PLEKHO1: variants seen among roughly 807,000 people sequenced by gnomAD.
PLEKHO1 encodes the protein pleckstrin homology domain-containing family O member 1.
PLEKHO1 carries 22 observed loss-of-function variants against 41.4 expected under a neutral mutation model. The ratio of observed to expected loss-of-function variants is 0.53; its 90% CI spans 0.38 to 0.76. The LOEUF (loss-of-function observed/expected upper bound fraction) is 0.76, where lower values mean the gene tolerates loss of function less well. PLEKHO1 is among the 30% of genes least tolerant of loss of function. The pLI, the probability that PLEKHO1 is intolerant of heterozygous loss-of-function variation, is 0.00. For synonymous variants in PLEKHO1, 225 were observed against 210.8 expected, an observed-to-expected ratio of 1.07 and a Z score of -0.58; for missense variants, 488 against 518.3, an observed-to-expected ratio of 0.94 and a Z score of 0.57.
intron 2 of PLEKHO1, chr1:150,154,303 C>G (rs1205431920): frequency 6.6e-6 from 1 of 152,342 alleles, no homozygotes; most frequent in Non-Finnish European, 1.5e-5. Flanking sequence ...TTGGACACCC[C>G]TTGCCAGCAC....
chr1:150,158,242 A>G (rs1553820852), intron 5 of PLEKHO1, among the ~76,000 whole-genome samples: 1 of 152,202 alleles, frequency 6.6e-6, no homozygotes, highest in Non-Finnish European at 1.5e-5. Context: ...GAGAGTCCAC[A>G]ATACCAAGGA....
In PLEKHO1 at chr1:150,150,209, A is replaced by G; in HGVS notation, c.-49A>G. 1.0e-6 allele frequency: 1 copy of G among 980,802 alleles called. No homozygotes were observed. The highest frequency in any genetic ancestry group is 4.9e-4 in the Middle Eastern group (1 of 2,042). The allele number at this position is 980,802 out of a possible 1,614,324, so 60.8% of individuals were successfully genotyped here. Reference sequence around the variant, plus strand: ...CCCCCGCGGTGCCGCCGAGGCCCCGACGCGGGGCCGCCCCTCGGCTCGCCG... The same window carrying G: ...CCCCCGCGGTGCCGCCGAGGCCCCGGCGCGGGGCCGCCCCTCGGCTCGCCG... On this transcript the variant is annotated 5_prime_UTR_variant, in exon 1 of 6. Transcript: ENST00000369124.
chr1:150,155,791 A>G (rs1660141714), intron 2 of PLEKHO1: 2 of 335,618 alleles, frequency 6.0e-6, no homozygotes, highest in Admixed American at 4.7e-5. Flanking sequence ...TGGTGAAGAG[A>G]GGCATAGTGG....
At chr1:150,150,381 C>T in intron 1 of PLEKHO1, 94 bp downstream of exon 1, 1 of 501,762 alleles carries the variant, frequency 2.0e-6, no homozygotes, top group Non-Finnish European at 2.6e-6. Flanking sequence ...AGACCCACGG[C>T]CCGGCCGCGC....
In PLEKHO1 at chr1:150,159,147, G is replaced by C; in HGVS notation, c.854G>C (p.Arg285Pro). 6.2e-7 allele frequency: 1 copy of C among 1,611,030 alleles called. No individual in the cohort carries two copies. ...ILSQRDAASA[R>P]TLQLRAEEPP... ...TCTCAGCGGGATGCTGCCTCTGCCC[G>C]CACCCTCCAGCTGCGGGCTGAGGAA... The change falls in exon 6 of 6, where the codon CGC becomes CCC. Residue 285 changes from arginine (R) to proline (P), a missense_variant. By Grantham distance (103) the Arg-to-Pro change is moderately radical (BLOSUM62 -2). Coordinates refer to ENST00000369124, the MANE Select transcript of PLEKHO1 (RefSeq NM_016274.6).
intron 2 of PLEKHO1, chr1:150,154,319 C>G (rs1236253141): frequency 6.6e-6 from 1 of 152,272 alleles, no homozygotes; most frequent in Non-Finnish European, 1.5e-5. Flanking sequence ...AGCACCTTGT[C>G]CTACTTCCAC....
chr1:150,155,777 C>A, intron 2 of PLEKHO1: 1 of 296,826 alleles, frequency 3.4e-6, no homozygotes, highest in South Asian at 7.1e-5. Context: ...AAGAGTGGGG[C>A]GGTTGGTGAA....
At chr1:150,150,400 C>T in intron 1 of PLEKHO1, 113 bp downstream of exon 1, 1 of 383,344 alleles carries the variant, frequency 2.6e-6, no homozygotes, top group African/African-American at 2.3e-5. Flanking sequence ...GCCCCCGCCC[C>T]GGCGGCCCGG....
chr1:150,157,360 C>A, intron 4 of PLEKHO1, 25 bp from the exon 5 acceptor site: 1 of 1,551,160 alleles, frequency 6.4e-7, no homozygotes, highest in Non-Finnish European at 8.9e-7. Context: ...GAAGAGCACT[C>A]ATGATTCACA....
intron 2 of PLEKHO1, among the ~76,000 whole-genome samples, chr1:150,151,647 A>C (rs1659937406): frequency 6.6e-6 from 1 of 151,640 alleles, no homozygotes; most frequent in Admixed American, 6.6e-5. Flanking sequence ...CCCCATTTAA[A>C]AAAGGCAAGG....
Position 150,150,654 on chromosome 1 carries a change from G to A in PLEKHO1, c.31-258G>A, listed in dbSNP as rs1659864700. The A allele has an allele frequency of 2.4e-5, 11 of 463,684 alleles. No individual in the cohort carries two copies. In the South Asian group the frequency reaches 2.6e-4, roughly 11 times the overall value. The allele number at this position is 463,684 out of a possible 1,614,324, so 28.7% of individuals were successfully genotyped here. On this transcript the variant is annotated intron_variant, in intron 1 of 5. Transcript: ENST00000369124. ...GGGGCGCAGGGCCTGGAGGGAACCT[G>A]GGAGCCTCTCCGCGCCCGGCCGGCG...
intron 2 of PLEKHO1, 52 bp from the exon 3 acceptor site, chr1:150,156,014 T>C: frequency 6.5e-7 from 1 of 1,533,636 alleles, no homozygotes; most frequent in South Asian, 1.2e-5. Flanking sequence ...ACAGTCTGGG[T>C]GGAGGGGCTA....
At chr1:150,153,559 A>G (rs1553819639) in intron 2 of PLEKHO1, 2 of 151,598 alleles carry the variant, frequency 1.3e-5, no homozygotes, top group Admixed American at 6.6e-5. Flanking sequence ...TTCTAACCCT[A>G]TCTCCCAGAA....
chr1:150,155,973 C>G, intron 2 of PLEKHO1, 93 bp from the exon 3 acceptor site: 1 of 1,242,120 alleles, frequency 8.1e-7, no homozygotes, highest in Non-Finnish European at 1.1e-6. Context: ...TCTCCTCAGG[C>G]TTCCTCTGTT....
intron 5 of PLEKHO1, among the ~76,000 whole-genome samples, 181 bp downstream of exon 5, chr1:150,157,667 C>G (rs1047471884): frequency 1.3e-5 from 2 of 152,158 alleles, no homozygotes; most frequent in Non-Finnish European, 2.9e-5. Flanking sequence ...TATTCAGCGC[C>G]CATTAGGAGT....
intron 3 of PLEKHO1, 56 bp from the exon 4 acceptor site, chr1:150,156,855 C>T: frequency 1.0e-6 from 1 of 959,452 alleles, no homozygotes; most frequent in East Asian, 2.4e-5. Flanking sequence ...TCTTCATTGT[C>T]AAGGTGAGGC....
At position 150,156,140 on chromosome 1, in the gene PLEKHO1, C is replaced by G. The variant is rs1660158278; in HGVS notation, c.252C>G (p.Ser84=). 2 of 1,613,408 alleles carry G rather than the reference C, an allele frequency of 1.2e-6. No individual in the cohort carries two copies. The highest frequency in any genetic ancestry group is 1.7e-6 in the Non-Finnish European group (2 of 1,179,384). Residue 84 remains serine (S), a synonymous_variant, in exon 3 of 6, where the codon TCC becomes TCG. Transcript: ENST00000369124. ...AGAAGTGTGAAGAGCTCCGGAAGTC[C>G]AAGAGCAGGAGCAAGAAAAATCATA... ...DYEKCEELRK[S]KSRSKKNHSK...
At chr1:150,157,745 GA>G (rs1326278957) in intron 5 of PLEKHO1, among the ~76,000 whole-genome samples, 2 of 152,182 alleles carry the variant, frequency 1.3e-5, no homozygotes, top group African/African-American at 4.8e-5. Flanking sequence ...ACAGGAAAAT[GA>G]AAAATTAGCT....
rs999797622 is a variant in PLEKHO1 at position 150,159,706 on chromosome 1, C to T, written c.*183C>T. On this transcript the variant is annotated 3_prime_UTR_variant, in exon 6 of 6. Transcript: ENST00000369124. Reference sequence around the variant, plus strand: ...CTACTTTCCATATGCCCCTCGTATGCCCCTCAGGTTTGAGGAAGTGACCCC... The same window carrying T: ...CTACTTTCCATATGCCCCTCGTATGTCCCTCAGGTTTGAGGAAGTGACCCC... The T allele has an allele frequency of 5.6e-6, 3 of 533,420 alleles. No homozygotes were observed. Among genetic ancestry groups the T allele is most frequent in the Non-Finnish European group, 6.7e-6 (2 of 297,556 alleles). The allele number at this position is 533,420 out of a possible 1,614,324, so 33.0% of individuals were successfully genotyped here.
Sources: allele counts gnomAD v4.1 joint callset (sites outside exome capture counted in the v4.1 genomes callset), GRCh38; gene constraint gnomAD v4.1.1; transcripts MANE v1.5; gene names NCBI Gene and HGNC (gene_info 2026-07-23, HGNC 2026-07-21).